The following DKK2 variants were observed in gnomAD, a reference collection of about 807,000 sequenced individuals.
DKK2 encodes the protein dickkopf-related protein 2.
A neutral mutation model predicts 28.1 loss-of-function variants in DKK2; 11 were observed. That is an observed-to-expected ratio of 0.39 (90% CI 0.25 to 0.65). The LOEUF (loss-of-function observed/expected upper bound fraction) is 0.65, where lower values mean the gene tolerates loss of function less well. Among genes scored for constraint, DKK2 ranks in the 30% least tolerant of loss-of-function variants. The pLI is 0.47. For synonymous variants in DKK2, 135 were observed against 126.5 expected (o/e 1.07, Z -0.45); for missense variants, 326 against 335.5 (o/e 0.97, Z 0.22).
rs185132423 is a variant in DKK2, at chr4:106,944,954, A to C, written c.223-19005T>G. ...AGAACTTTATTCACACAAACAACTC[A>C]GGTTGTTTCCACATTAAAATTGGAT... On this transcript the variant is annotated intron_variant, in intron 1 of 3. Coordinates refer to ENST00000285311, the MANE Select transcript of DKK2 (RefSeq NM_014421.3). Among the ~76,000 whole-genome samples the C allele has an allele frequency of 3.6e-3, 545 of 152,188 alleles. 1 individual carries two copies. The highest frequency in any genetic ancestry group is 5.3e-3 in the Non-Finnish European group (361 of 67,988).
Position 107,035,615 on chromosome 4 carries a change from A to G in DKK2, c.-24T>C. On this transcript the variant is annotated 5_prime_UTR_variant, in exon 1 of 4. Coordinates refer to ENST00000285311, the MANE Select transcript of DKK2 (RefSeq NM_014421.3). The stretch of plus-strand genomic sequence containing the variant: ...ATCTCCCGGCGAGGGGGTCCCCAGG[A>G]AGACGCAAAGCCCGGAGGGGTGGGA... 1 of 1,611,994 alleles carries G rather than the reference A, an allele frequency of 6.2e-7. No individual in the cohort carries two copies.
intron 1 of DKK2, among the ~76,000 whole-genome samples, chr4:106,959,984 G>A (rs754671585): frequency 1.3e-5 from 2 of 151,724 alleles, no homozygotes; most frequent in Non-Finnish European, 2.9e-5. Flanking sequence ...AAACTTTGAT[G>A]TTTAATATCC....
At chr4:107,012,768 T>C (rs973673909) in intron 1 of DKK2, among the ~76,000 whole-genome samples, 1 of 151,144 alleles carries the variant, frequency 6.6e-6, no homozygotes, top group African/African-American at 2.4e-5. Flanking sequence ...TCTCTATAAA[T>C]TACTTTTAAA....
At chr4:106,999,947 A>G (rs1723335928) in intron 1 of DKK2, among the ~76,000 whole-genome samples, 1 of 152,208 alleles carries the variant, frequency 6.6e-6, no homozygotes, top group South Asian at 2.1e-4. Flanking sequence ...ATCTCACTAC[A>G]AAAATGCATA....
intron 1 of DKK2, among the ~76,000 whole-genome samples, chr4:107,007,656 T>C (rs1723456534): frequency 6.6e-6 from 1 of 152,126 alleles, no homozygotes; most frequent in African/African-American, 2.4e-5. Flanking sequence ...TCTGTTGTCA[T>C]CCTGAAGTGC....
At chr4:107,004,877 A>C (rs1723413983) in intron 1 of DKK2, among the ~76,000 whole-genome samples, 1 of 152,146 alleles carries the variant, frequency 6.6e-6, no homozygotes, top group Non-Finnish European at 1.5e-5. Context: ...AAATGGACTC[A>C]ACCTGCTATC....
chr4:106,990,481 G>A (rs1723187965), intron 1 of DKK2, among the ~76,000 whole-genome samples: 2 of 152,080 alleles, frequency 1.3e-5, no homozygotes, highest in Non-Finnish European at 2.9e-5. Context: ...AAGTACAGAG[G>A]GAAACAAAGG....
chr4:106,985,277 G>A (rs899345738), intron 1 of DKK2, among the ~76,000 whole-genome samples: 1 of 151,890 alleles, frequency 6.6e-6, no homozygotes, highest in Non-Finnish European at 1.5e-5. Context: ...AAAATGACAG[G>A]TGGGAGAGAA....
intron 1 of DKK2, 55 bp downstream of exon 1, chr4:107,035,315 A>C: frequency 6.3e-7 from 1 of 1,591,564 alleles, no homozygotes; most frequent in South Asian, 1.1e-5. Context: ...CGCTAGCCCA[A>C]GAGAGCTGGC....
At chr4:106,958,144 T>G (rs1350694213) in intron 1 of DKK2, among the ~76,000 whole-genome samples, 2 of 150,570 alleles carry the variant, frequency 1.3e-5, no homozygotes, top group East Asian at 3.9e-4. Context: ...ATTATATATA[T>G]AGATTATATT....
chr4:106,944,993 T>G (rs556200661), intron 1 of DKK2, among the ~76,000 whole-genome samples: 3 of 152,206 alleles, frequency 2.0e-5, no homozygotes, highest in Non-Finnish European at 2.9e-5. Context: ...GTGATGTTTA[T>G]TATAAAACCT....
chr4:107,022,291 G>A lies in DKK2; in HGVS notation c.222+13079C>T, dbSNP rs528607933. Among the ~76,000 whole-genome samples the A allele has an allele frequency of 2.4e-4, 36 of 152,208 alleles. No individual in the cohort carries two copies. The East Asian group carries it at 5.2e-3, about 22-fold the overall frequency. On this transcript the variant is annotated intron_variant, in intron 1 of 3. Transcript: ENST00000285311. ...ACCTTGTCCTAAATGTTTGTTGACT[G>A]TGATCATAGCATCTAATACACTTAA...
At chr4:106,930,028 C>G (rs1387602950) in intron 1 of DKK2, among the ~76,000 whole-genome samples, 1 of 152,118 alleles carries the variant, frequency 6.6e-6, no homozygotes, top group Non-Finnish European at 1.5e-5. Context: ...TTGGCCACAT[C>G]TCTTTCTAGA....
At position 106,978,312 on chromosome 4, in the gene DKK2, G is replaced by T. The variant is rs182594450; in HGVS notation, c.223-52363C>A. On this transcript the variant is annotated intron_variant, in intron 1 of 3. Transcript: ENST00000285311. ...TCTCTTCAGAGCCAGAATGCAGGAAGGTTTAGGTCTGCGGAAGCTGCGCCC... is the reference window on the plus strand; with the variant it reads ...TCTCTTCAGAGCCAGAATGCAGGAATGTTTAGGTCTGCGGAAGCTGCGCCC... Among the ~76,000 whole-genome samples, 303 of 152,316 alleles carry T rather than the reference G, an allele frequency of 2.0e-3. 2 individuals carry two copies. The highest frequency in any genetic ancestry group is 6.8e-3 in the African/African-American group (283 of 41,570).
intron 1 of DKK2, among the ~76,000 whole-genome samples, chr4:106,998,231 G>T (rs1723303438): frequency 6.6e-6 from 1 of 152,144 alleles, no homozygotes; most frequent in African/African-American, 2.4e-5. Context: ...AATGCATTTT[G>T]AATGTGTTGG....
chr4:107,012,223 T>C (rs759147811), intron 1 of DKK2, among the ~76,000 whole-genome samples: 2 of 151,422 alleles, frequency 1.3e-5, no homozygotes, highest in Non-Finnish European at 1.5e-5. Context: ...ACCTGTTTTA[T>C]GACAGCTTAA....
At chr4:106,924,470 C>A (rs779273379) in intron 3 of DKK2, 75 bp downstream of exon 3, 17 of 1,508,830 alleles carry the variant, frequency 1.1e-5, no homozygotes, top group African/African-American at 8.6e-5. Flanking sequence ...TTTCTAAAAC[C>A]AATGGAATTA....
chr4:106,988,310 A>T (rs1237035038), intron 1 of DKK2, among the ~76,000 whole-genome samples: 2 of 151,762 alleles, frequency 1.3e-5, no homozygotes, highest in Admixed American at 6.6e-5. Flanking sequence ...AGTAACATTG[A>T]CTCCTTGTTT....
At chr4:106,942,276 A>G (rs778878131) in intron 1 of DKK2, among the ~76,000 whole-genome samples, 9 of 152,154 alleles carry the variant, frequency 5.9e-5, no homozygotes, top group Non-Finnish European at 1.0e-4. Context: ...ATCCCAGTAC[A>G]TCTGCTTTGG....
Sources: allele counts gnomAD v4.1 joint callset (sites outside exome capture counted in the v4.1 genomes callset), GRCh38; gene constraint gnomAD v4.1.1; transcripts MANE v1.5; gene names NCBI Gene and HGNC (gene_info 2026-07-23, HGNC 2026-07-21).